GFRA2: variants seen among roughly 807,000 people sequenced by gnomAD.
The protein encoded by GFRA2 is GDNF family receptor alpha-2.
A neutral mutation model predicts 48.3 loss-of-function variants in GFRA2; 17 were observed. The ratio of observed to expected loss-of-function variants is 0.35; its 90% confidence interval spans 0.24 to 0.53. GFRA2 has a LOEUF of 0.53. GFRA2 is among the 20% of genes least tolerant of loss of function. The pLI, the probability that GFRA2 is intolerant of heterozygous loss-of-function variation, is 0.93. For synonymous variants in GFRA2, 305 were observed against 257.2 expected, an observed-to-expected ratio of 1.19 and a Z score of -1.78; for missense variants, 660 against 637.3, an observed-to-expected ratio of 1.04 and a Z score of -0.38.
chr8:21,778,054 C>T (rs1360073869), intron 2 of GFRA2, among the ~76,000 whole-genome samples: 2 of 152,194 alleles, frequency 1.3e-5, no homozygotes, highest in Admixed American at 6.5e-5. Flanking sequence ...CCCAGGAAGG[C>T]GGAGCACAGC....
At chr8:21,701,116 C>A (rs374833679) in intron 7 of GFRA2, among the ~76,000 whole-genome samples, 1 of 152,216 alleles carries the variant, frequency 6.6e-6, no homozygotes, top group Non-Finnish European at 1.5e-5. Context: ...AACATTGTGC[C>A]GGGCGCGGGG....
intron 4 of GFRA2, among the ~76,000 whole-genome samples, chr8:21,734,859 A>T (rs1804371876): frequency 6.6e-6 from 1 of 152,176 alleles, no homozygotes; most frequent in African/African-American, 2.4e-5. Context: ...CTCCAAAATC[A>T]CTAAGCTAAA....
At chr8:21,744,096 C>T (rs1245646590) in intron 4 of GFRA2, among the ~76,000 whole-genome samples, 1 of 152,190 alleles carries the variant, frequency 6.6e-6, no homozygotes, top group Non-Finnish European at 1.5e-5. Context: ...CTATGGAAAG[C>T]CATTAAGCTG....
Position 21,750,792 on chromosome 8 carries a change from C to T in GFRA2, c.590G>A (p.Arg197His), listed in dbSNP as rs1418390951. 7.4e-6 allele frequency: 12 copies of T among 1,613,878 alleles called. No individual in the cohort carries two copies. The highest frequency in any genetic ancestry group is 1.3e-5 in the African/African-American group (1 of 74,940). Residue 197 changes from arginine to histidine, a missense_variant, in exon 4 of 9, where the codon CGC becomes CAC. Arg to His is a conservative substitution (Grantham distance 29). Coordinates refer to ENST00000524240, the MANE Select transcript of GFRA2 (RefSeq NM_001495.5). The surrounding 1 kb of genome is among the most constrained non-coding windows in gnomAD (Gnocchi z 5.7). ...GCGCAGGGCCTTGTGGCACTTGCGG[C>T]GGTTGCAGCGCTCGGTGGGCGAGAT... ...REISPTERCN[R>H]RKCHKALRQF... is the part of the protein sequence containing the mutation.
intron 4 of GFRA2, among the ~76,000 whole-genome samples, chr8:21,720,073 C>T (rs1803520744): frequency 6.6e-6 from 1 of 152,220 alleles, no homozygotes; most frequent in African/African-American, 2.4e-5. Flanking sequence ...GAATGTGTTT[C>T]TCAGCCTCAC....
chr8:21,778,426 G>A (rs947565793), intron 2 of GFRA2, among the ~76,000 whole-genome samples: 1 of 152,134 alleles, frequency 6.6e-6, no homozygotes, highest in Non-Finnish European at 1.5e-5. Context: ...TTCTATGGAA[G>A]GAAAAAAGTA....
chr8:21,711,845 T>C (rs1324958539), intron 4 of GFRA2, among the ~76,000 whole-genome samples: 3 of 152,184 alleles, frequency 2.0e-5, no homozygotes, highest in African/African-American at 4.8e-5. Flanking sequence ...GCAGTGTTTG[T>C]GTCCCTGGGT....
intron 3 of GFRA2, among the ~76,000 whole-genome samples, chr8:21,756,414 G>A (rs1727307585): frequency 6.6e-6 from 1 of 152,198 alleles, no homozygotes; most frequent in African/African-American, 2.4e-5. Context: ...AAGACCCCAG[G>A]AGCGGGCCTG....
rs1040602285 is a variant in GFRA2, at chr8:21,750,533, C to G, written c.794+55G>C. On this transcript the variant is annotated intron_variant, in intron 4 of 8. Transcript: ENST00000524240. This position sits in a 1 kb window ranked among gnomAD's most constrained non-coding sequence, Gnocchi z 5.7. Reference sequence around the variant, plus strand: ...GGAATGCAGAGAAAGGAAAACACAGCCTGGCAATGCAAGCGCCCTCCTGCC... The same window carrying G: ...GGAATGCAGAGAAAGGAAAACACAGGCTGGCAATGCAAGCGCCCTCCTGCC... 1 of 970,978 alleles carries G rather than the reference C, an allele frequency of 1.0e-6. No homozygotes were observed. The highest frequency in any genetic ancestry group is 1.6e-5 in the African/African-American group (1 of 61,634). The allele number at this position is 970,978 out of a possible 1,614,324, so 60.1% of individuals were successfully genotyped here.
intron 4 of GFRA2, among the ~76,000 whole-genome samples, chr8:21,730,351 C>A (rs965468192): frequency 6.6e-6 from 1 of 151,902 alleles, no homozygotes; most frequent in African/African-American, 2.4e-5. Flanking sequence ...TGCAGCGAGC[C>A]GAGATAGTGC....
chr8:21,757,594 G>A (rs761820067), intron 3 of GFRA2, among the ~76,000 whole-genome samples: 5 of 150,986 alleles, frequency 3.3e-5, no homozygotes, highest in Middle Eastern at 3.5e-3. Context: ...CCCAGGTTCA[G>A]GCGATTCTCC....
intron 4 of GFRA2, among the ~76,000 whole-genome samples, chr8:21,729,515 C>T (rs1413541469): frequency 2.6e-5 from 4 of 152,126 alleles, no homozygotes; most frequent in South Asian, 4.1e-4. Context: ...TGCCCTTCCT[C>T]GCACTTACAG....
chr8:21,704,043 C>T (rs1274485626), intron 6 of GFRA2, among the ~76,000 whole-genome samples: 2 of 152,260 alleles, frequency 1.3e-5, no homozygotes, highest in Non-Finnish European at 2.9e-5. Context: ...CCCTGCATGA[C>T]AAGGATGCTA....
rs1442029167 is a variant in GFRA2 at position 21,750,977 on chromosome 8, C to T, written c.440-35G>A. The T allele has an allele frequency of 6.9e-6, 10 of 1,443,650 alleles. No homozygotes were observed. Among genetic ancestry groups the T allele is most frequent in the Non-Finnish European group, 8.6e-6 (9 of 1,040,718 alleles). The allele number at this position is 1,443,650 out of a possible 1,614,324, so 89.4% of individuals were successfully genotyped here. ...GAACAAGAGAGCAGGTCAGAGGCCA[C>T]ACAAGCATGAGGAGGACACAGCTGC... On this transcript the variant is annotated intron_variant, in intron 3 of 8. Coordinates refer to ENST00000524240, the MANE Select transcript of GFRA2 (RefSeq NM_001495.5). The surrounding 1 kb of genome is among the most constrained non-coding windows in gnomAD (Gnocchi z 5.7).
At chr8:21,693,450 G>GA (rs1801971850) in intron 8 of GFRA2, 50 bp from the exon 9 acceptor site, 1 of 1,546,700 alleles carries the variant, frequency 6.5e-7, no homozygotes, top group African/African-American at 1.4e-5. Flanking sequence ...TGAAAACAAA[G>GA]AAAACAGTCA....
At chr8:21,778,543 G>A (rs1806822003) in intron 2 of GFRA2, among the ~76,000 whole-genome samples, 1 of 152,258 alleles carries the variant, frequency 6.6e-6, no homozygotes. Context: ...GAGGCACACA[G>A]TAGGTGCTTA....
At chr8:21,775,127 C>T (rs1025891360) in intron 2 of GFRA2, 72 bp from the exon 3 acceptor site, 14 of 772,676 alleles carry the variant, frequency 1.8e-5, no homozygotes, top group Non-Finnish European at 2.8e-5. Flanking sequence ...GCAAATCTGC[C>T]GGAGGAAAGC....
chr8:21,767,101 A>C (rs2117672326), intron 3 of GFRA2, among the ~76,000 whole-genome samples: 1 of 148,966 alleles, frequency 6.7e-6, no homozygotes, highest in Admixed American at 6.7e-5. Flanking sequence ...CCCCACACAC[A>C]CCACCATACA....
At chr8:21,757,963 G>A (rs907228652) in intron 3 of GFRA2, among the ~76,000 whole-genome samples, 8 of 151,930 alleles carry the variant, frequency 5.3e-5, no homozygotes, top group South Asian at 4.2e-4. Context: ...ATACATATTC[G>A]TCGGCCCCAT....
Sources: gnomAD v4.1 joint callset for allele counts (sites outside exome capture counted in the v4.1 genomes callset) on GRCh38, gnomAD v4.1.1 for gene constraint, Gnocchi (gnomAD v3.1) non-coding constraint, MANE v1.5 for transcripts, NCBI Gene and HGNC (gene_info 2026-07-23, HGNC 2026-07-21) for gene names.